The following ARMH4 variants were observed in gnomAD, a reference collection of about 807,000 sequenced individuals.
ARMH4 encodes armadillo-like helical domain-containing protein 4.
In ARMH4, 49 loss-of-function variants were observed where a neutral mutation model predicts 61.9. The ratio of observed to expected loss-of-function variants is 0.79; its 90% confidence interval spans 0.63 to 1.00. The LOEUF is 1.00. Among genes scored for constraint, ARMH4 ranks in the 50% least tolerant of loss-of-function variants. The pLI, the probability that ARMH4 is intolerant of heterozygous loss-of-function variation, is 0.00. For synonymous variants in ARMH4, 368 were observed against 341.5 expected (o/e 1.08, Z -0.85); for missense variants, 934 against 930.0 (o/e 1.00, Z -0.06).
chr14:58,117,260 A>G (rs949759398), intron 4 of ARMH4, among the ~76,000 whole-genome samples: 10 of 152,228 alleles, frequency 6.6e-5, no homozygotes, highest in African/African-American at 2.2e-4. Context: ...ATATCTGTAA[A>G]TTCTGAGCCA....
chr14:58,109,508 G>C (rs1428036845), intron 4 of ARMH4, among the ~76,000 whole-genome samples: 1 of 152,028 alleles, frequency 6.6e-6, no homozygotes, highest in East Asian at 1.9e-4. Context: ...TGTCCTCCTT[G>C]TCCAAATATA....
intron 3 of ARMH4, among the ~76,000 whole-genome samples, 169 bp from the exon 4 acceptor site, chr14:58,131,890 C>T (rs1402492014): frequency 1.3e-5 from 2 of 152,170 alleles, no homozygotes; most frequent in Admixed American, 6.5e-5. Flanking sequence ...TCCAACTCCC[C>T]AAAGCAAAGA....
intron 4 of ARMH4, among the ~76,000 whole-genome samples, chr14:58,100,265 G>A (rs946042545): frequency 4.6e-5 from 7 of 152,212 alleles, no homozygotes; most frequent in African/African-American, 1.7e-4. Flanking sequence ...TTGGAGAGTA[G>A]GCGAGTACAT....
chr14:58,118,205 T>A (rs945416821), intron 4 of ARMH4, among the ~76,000 whole-genome samples: 1 of 152,212 alleles, frequency 6.6e-6, no homozygotes, highest in East Asian at 1.9e-4. Context: ...TTATTTGCTA[T>A]AGAAAGTGAC....
At chr14:58,149,926 T>C (rs1165781899) in intron 1 of ARMH4, among the ~76,000 whole-genome samples, 1 of 152,224 alleles carries the variant, frequency 6.6e-6, no homozygotes, top group Admixed American at 6.5e-5. Flanking sequence ...ATTTGGAGCA[T>C]CTGTAACATC....
intron 4 of ARMH4, among the ~76,000 whole-genome samples, chr14:58,125,787 A>G (rs1235484099): frequency 6.6e-6 from 1 of 152,166 alleles, no homozygotes; most frequent in East Asian, 1.9e-4. Context: ...CCTCTCCAAC[A>G]GCACTTGGGT....
At chr14:58,103,266 G>A (rs114222075) in intron 4 of ARMH4, among the ~76,000 whole-genome samples, 1,874 of 152,210 alleles carry the variant, frequency 0.012, 40 homozygotes, top group African/African-American at 0.043. Flanking sequence ...TGAGCCACTA[G>A]AAGCTGGAAG....
chr14:58,016,344 C>G (rs1332251241), intron 5 of ARMH4, among the ~76,000 whole-genome samples: 1 of 152,042 alleles, frequency 6.6e-6, no homozygotes, highest in Non-Finnish European at 1.5e-5. Flanking sequence ...TCAACTTACA[C>G]ATTGCAAAGG....
At chr14:58,072,901 G>C (rs745613730) in intron 5 of ARMH4, among the ~76,000 whole-genome samples, 2 of 152,014 alleles carry the variant, frequency 1.3e-5, no homozygotes, top group South Asian at 2.1e-4. Flanking sequence ...TTACAGACAG[G>C]TATCCCCATT....
intron 4 of ARMH4, among the ~76,000 whole-genome samples, chr14:58,125,512 G>A (rs1886869426): frequency 6.6e-6 from 1 of 152,174 alleles, no homozygotes; most frequent in African/African-American, 2.4e-5. Flanking sequence ...TGCACTGCAG[G>A]CCATACATTT....
chr14:58,032,613 G>T (rs1451596334), intron 5 of ARMH4, among the ~76,000 whole-genome samples: 3 of 152,164 alleles, frequency 2.0e-5, no homozygotes, highest in Non-Finnish European at 4.4e-5. Flanking sequence ...CAGAAGACGG[G>T]TGATTTCTGC....
intron 5 of ARMH4, among the ~76,000 whole-genome samples, chr14:58,039,035 C>T (rs958516276): frequency 6.6e-6 from 1 of 152,202 alleles, no homozygotes; most frequent in Non-Finnish European, 1.5e-5. Context: ...GTGCAGTGTC[C>T]ACGCTTCCCC....
At chr14:58,074,016 T>C (rs1229590334) in intron 5 of ARMH4, among the ~76,000 whole-genome samples, 1 of 152,244 alleles carries the variant, frequency 6.6e-6, no homozygotes, top group Non-Finnish European at 1.5e-5. Flanking sequence ...GGTTTTATTA[T>C]ATTTGCCTTT....
At chr14:58,083,121 T>C (rs1594746697) in intron 5 of ARMH4, among the ~76,000 whole-genome samples, 2 of 152,152 alleles carry the variant, frequency 1.3e-5, no homozygotes, top group East Asian at 3.9e-4. Flanking sequence ...AAGGAACCAA[T>C]ATATTAATCC....
chr14:58,084,869 G>T (rs1342844026), intron 5 of ARMH4, among the ~76,000 whole-genome samples: 1 of 152,198 alleles, frequency 6.6e-6, no homozygotes, highest in African/African-American at 2.4e-5. Flanking sequence ...AAGCAGAAAG[G>T]TTCTGAGTTG....
At chr14:58,142,777 C>T (rs1887608981) in intron 1 of ARMH4, among the ~76,000 whole-genome samples, 1 of 152,022 alleles carries the variant, frequency 6.6e-6, no homozygotes, top group African/African-American at 2.4e-5. Context: ...CTTCCTTTCC[C>T]TTTCTTCTCT....
At chr14:58,072,051 A>C (rs1465104924) in intron 5 of ARMH4, among the ~76,000 whole-genome samples, 1 of 152,120 alleles carries the variant, frequency 6.6e-6, no homozygotes, top group African/African-American at 2.4e-5. Flanking sequence ...ATTTCCTATG[A>C]TTATACTAAT....
At chr14:58,007,853 C>CTGG (rs1256767618) in intron 6 of ARMH4, among the ~76,000 whole-genome samples, 1 of 152,142 alleles carries the variant, frequency 6.6e-6, no homozygotes, top group Non-Finnish European at 1.5e-5. Context: ...TGAATCTAAT[C>CTGG]ATGAGAAAAC....
intron 7 of ARMH4, 79 bp from the exon 8 acceptor site, chr14:58,004,883 A>G: frequency 6.5e-7 from 1 of 1,538,302 alleles, no homozygotes; most frequent in Non-Finnish European, 9.0e-7. Context: ...TTTAAAAGAC[A>G]TGCTAACAAA....
Sources: allele counts gnomAD v4.1 joint callset (sites outside exome capture counted in the v4.1 genomes callset), GRCh38; gene constraint gnomAD v4.1.1; transcripts MANE v1.5; gene names NCBI Gene and HGNC (gene_info 2026-07-23, HGNC 2026-07-21).